The following FAP variants were observed in gnomAD, a reference collection of about 807,000 sequenced individuals.
The protein encoded by FAP is fibroblast activation protein alpha.
FAP carries 110 observed loss-of-function variants against 126.5 expected under a neutral mutation model. That is an observed-to-expected ratio of 0.87 (90% CI 0.74 to 1.02). FAP has a LOEUF of 1.02. Ranked by LOEUF, FAP falls within the 50% of genes least tolerant of loss-of-function variation. The pLI, the probability that FAP is intolerant of heterozygous loss-of-function variation, is 0.00. For missense variants in FAP, 919 were observed against 909.2 expected (o/e 1.01, Z -0.14); for synonymous variants, 334 against 297.3 (o/e 1.12, Z -1.27).
At chr2:162,228,559 G>T (rs1689757317) in intron 2 of FAP, among the ~76,000 whole-genome samples, 1 of 152,048 alleles carries the variant, frequency 6.6e-6, no homozygotes, top group Non-Finnish European at 1.5e-5. Flanking sequence ...TAAGAATAGT[G>T]GCTGGTGAGC....
In FAP at chr2:162,170,702, C is replaced by T. The variant is rs1687274531; in HGVS notation, c.*277G>A. On this transcript the variant is annotated 3_prime_UTR_variant, in exon 26 of 26. Transcript: ENST00000188790. The stretch of plus-strand genomic sequence containing the variant: ...AACACAATAGCACTTGAACTTCTGA[C>T]TTTATTATTTTTCTTCAAATGAACA... 3.0e-6 allele frequency: 1 copy of T among 332,630 alleles called. No homozygotes were observed. The highest frequency in any genetic ancestry group is 5.6e-6 in the Non-Finnish European group (1 of 178,850). 20.6% of individuals were successfully genotyped at this position (332,630 alleles called of 1,614,324 possible).
chr2:162,202,805 G>T, intron 14 of FAP, 67 bp downstream of exon 14: 2 of 1,148,980 alleles, frequency 1.7e-6, no homozygotes, highest in Non-Finnish European at 2.6e-6. Context: ...AGTTGGTACA[G>T]TATCATTTAT....
At chr2:162,180,253 T>C (rs911930545) in intron 21 of FAP, among the ~76,000 whole-genome samples, 16 of 152,170 alleles carry the variant, frequency 1.1e-4, no homozygotes, top group Admixed American at 6.5e-5. Context: ...ATAAAATACA[T>C]AAGCAGAAAA....
Position 162,173,725 on chromosome 2 carries a change from T to C in FAP, c.2032A>G (p.Lys678Glu). The C allele has an allele frequency of 6.3e-7, 1 of 1,588,780 alleles. No individual in the cohort carries two copies. Among genetic ancestry groups the C allele is most frequent in the Non-Finnish European group, 8.6e-7 (1 of 1,157,104 alleles). ...PTKDDNLEHY[K>E]NSTVMARAEY... ...CTAAATAAAATGGAAACACTTACCT[T>C]ATAGTGCTCAAGATTATCATCCTTT... Residue 678 changes from lysine to glutamate, a missense_variant and splice_region_variant, in exon 23 of 26, where the codon AAG becomes GAG. Coordinates refer to ENST00000188790, the MANE Select transcript of FAP (RefSeq NM_004460.5).
intron 2 of FAP, among the ~76,000 whole-genome samples, chr2:162,232,190 T>C (rs774192644): frequency 1.3e-5 from 2 of 152,160 alleles, no homozygotes; most frequent in Admixed American, 1.3e-4. Flanking sequence ...AGATGAGTAA[T>C]AGAAAGTGTT....
Position 162,219,181 on chromosome 2 carries a change from T to A in FAP, c.489A>T (p.Ala163=). Residue 163 remains alanine, a splice_region_variant and synonymous_variant, in exon 8 of 26, where the codon GCA becomes GCT. Coordinates refer to ENST00000188790, the MANE Select transcript of FAP (RefSeq NM_004460.5). ...LCWSPVGSKL[A]YVYQNNIYLK... ...AATAGATATTGTTTTGATAGACATA[T>A]GCCTAAAAGTGGTGGTAAGGGGAAA... 1 of 1,602,036 alleles carries A rather than the reference T, an allele frequency of 6.2e-7. No individual in the cohort carries two copies. Among genetic ancestry groups the A allele is most frequent in the Non-Finnish European group, 8.5e-7 (1 of 1,174,688 alleles).
At chr2:162,232,723 C>G (rs1316844324) in intron 2 of FAP, among the ~76,000 whole-genome samples, 1 of 152,134 alleles carries the variant, frequency 6.6e-6, no homozygotes, top group South Asian at 2.1e-4. Flanking sequence ...AAAAATAGCC[C>G]ATTTGTGTGT....
intron 11 of FAP, 61 bp downstream of exon 11, chr2:162,213,877 A>G: frequency 1.3e-6 from 2 of 1,512,592 alleles, no homozygotes; most frequent in Non-Finnish European, 1.8e-6. Flanking sequence ...GCTATGGATG[A>G]GTCCCCACTA....
chr2:162,187,976 A>T (rs543105778), intron 20 of FAP, among the ~76,000 whole-genome samples, 193 bp downstream of exon 20: 10 of 152,248 alleles, frequency 6.6e-5, no homozygotes, highest in African/African-American at 1.9e-4. Context: ...TTTTCTACAC[A>T]TTCGTTAGCT....
intron 17 of FAP, among the ~76,000 whole-genome samples, chr2:162,190,289 G>A (rs1454821317): frequency 6.6e-6 from 1 of 151,714 alleles, no homozygotes; most frequent in African/African-American, 2.4e-5. Context: ...ATTAATAAAG[G>A]ATATTCTCCT....
At chr2:162,186,469 A>G (rs1173562539) in intron 20 of FAP, among the ~76,000 whole-genome samples, 1 of 152,116 alleles carries the variant, frequency 6.6e-6, no homozygotes, top group Non-Finnish European at 1.5e-5. Flanking sequence ...ATTTCATCCA[A>G]GGAAAATATT....
chr2:162,203,254 T>C, intron 12 of FAP, 109 bp from the exon 13 acceptor site: 1 of 650,588 alleles, frequency 1.5e-6, no homozygotes, highest in South Asian at 1.9e-5. Context: ...GGAATCAGAA[T>C]GTCTCGCCTC....
rs538538276 is a variant in FAP, at chr2:162,194,706, T to C, written c.1445A>G (p.Asp482Gly). The C allele has an allele frequency of 6.2e-7, 1 of 1,613,538 alleles. No homozygotes were observed. Among genetic ancestry groups the C allele is most frequent in the African/African-American group, 1.3e-5 (1 of 75,000 alleles). ...PISTLHDGRT[D>G]QEIKILEENK... is the part of the protein sequence containing the mutation. ...TAACATGCAAGAGAGAGTACCTTGA[T>C]CAGTGCGTCCATCATGAAGGGTGGA... The change falls in exon 17 of 26, where the codon GAT (aspartate) becomes GGT (glycine). Residue 482 changes from aspartate (D) to glycine (G), a missense_variant. Physicochemically the swap from Asp to Gly is moderately conservative, Grantham distance 94 (BLOSUM62 -1). Coordinates refer to ENST00000188790, the MANE Select transcript of FAP (RefSeq NM_004460.5).
At chr2:162,217,902 G>A in intron 9 of FAP, 84 bp downstream of exon 9, 1 of 1,081,874 alleles carries the variant, frequency 9.2e-7, no homozygotes, top group South Asian at 1.8e-5. Flanking sequence ...CTCCAAACTT[G>A]TTGATCCCAC....
intron 21 of FAP, among the ~76,000 whole-genome samples, chr2:162,178,646 A>G (rs1322162429): frequency 6.6e-6 from 1 of 152,188 alleles, no homozygotes; most frequent in Non-Finnish European, 1.5e-5. Flanking sequence ...GTTTTATGTG[A>G]GCCAGAAAAT....
intron 2 of FAP, among the ~76,000 whole-genome samples, chr2:162,234,422 G>T (rs1180360545): frequency 6.6e-6 from 1 of 151,978 alleles, no homozygotes; most frequent in Non-Finnish European, 1.5e-5. Flanking sequence ...TTTATACATG[G>T]ATCTCGTATC....
chr2:162,188,789 AT>A (rs1228160002), intron 19 of FAP, among the ~76,000 whole-genome samples: 1 of 152,100 alleles, frequency 6.6e-6, no homozygotes, highest in South Asian at 2.1e-4. Context: ...ATTACATAAG[AT>A]GTGAAGATGA....
chr2:162,223,904 A>G (rs984180464), intron 5 of FAP, among the ~76,000 whole-genome samples: 1 of 152,130 alleles, frequency 6.6e-6, no homozygotes, highest in Admixed American at 6.5e-5. Flanking sequence ...CTCACTCCAT[A>G]AAAAGCATAT....
At chr2:162,172,777 AGG>A (rs752407820) in intron 25 of FAP, 32 bp downstream of exon 25, 6 of 1,443,730 alleles carry the variant, frequency 4.2e-6, no homozygotes, top group Non-Finnish European at 5.9e-6. Context: ...TGAGGGTCTA[AGG>A]CCATGAACAT....
Sources: gnomAD v4.1 joint callset for allele counts (sites outside exome capture counted in the v4.1 genomes callset) on GRCh38, gnomAD v4.1.1 for gene constraint, MANE v1.5 for transcripts, NCBI Gene and HGNC (gene_info 2026-07-23, HGNC 2026-07-21) for gene names.